TMEM26: variants seen among roughly 807,000 people sequenced by gnomAD.
The protein encoded by TMEM26 is transmembrane protein 26.
Under a neutral mutation model 28.8 loss-of-function variants are expected in TMEM26, and 38 were observed. The ratio of observed to expected loss-of-function variants is 1.32; its 90% CI spans 1.02 to 1.73. TMEM26 has a LOEUF of 1.73. Among genes scored for constraint, TMEM26 ranks in the 40% most tolerant of loss-of-function variants. The pLI, the probability that TMEM26 is intolerant of heterozygous loss-of-function variation, is 0.00. For synonymous variants in TMEM26, 227 were observed against 182.9 expected, an observed-to-expected ratio of 1.24 and a Z score of -1.95; for missense variants, 518 against 447.1, an observed-to-expected ratio of 1.16 and a Z score of -1.43.
In TMEM26 at chr10:61,453,054, G is replaced by C; in HGVS notation, c.28C>G (p.Leu10Val). Residue 10 changes from leucine (L) to valine (V), a missense_variant, in exon 1 of 6, where the codon CTG becomes GTG. Physicochemically the swap from Leu to Val is conservative, Grantham distance 32 (BLOSUM62 1). Coordinates refer to ENST00000399298, the MANE Select transcript of TMEM26 (RefSeq NM_178505.8). The stretch of plus-strand genomic sequence containing the variant: ...AGCAGGAACAGCAACCGAGTGGCCA[G>C]GGCGTTAAGGAAGACCAGTCCCTCC... The part of the protein sequence containing the change: MEGLVFLNA[L>V]ATRLLFLLHS... 1 of 1,613,576 alleles carries C rather than the reference G, an allele frequency of 6.2e-7. No individual in the cohort carries two copies. Among genetic ancestry groups the C allele is most frequent in the African/African-American group, 1.3e-5 (1 of 75,044 alleles).
At chr10:61,435,508 G>A (rs1446712885) in intron 2 of TMEM26, among the ~76,000 whole-genome samples, 2 of 152,106 alleles carry the variant, frequency 1.3e-5, no homozygotes, top group African/African-American at 4.8e-5. Context: ...CTATGACAAT[G>A]TGATCTTCTA....
At chr10:61,413,952 A>G in intron 4 of TMEM26, 1 of 987,306 alleles carries the variant, frequency 1.0e-6, no homozygotes, top group Non-Finnish European at 1.2e-6. Context: ...AGACATTTCA[A>G]AAGAGCTAAA....
At chr10:61,420,180 A>G (rs530022532) in intron 4 of TMEM26, among the ~76,000 whole-genome samples, 1 of 152,294 alleles carries the variant, frequency 6.6e-6, no homozygotes, top group African/African-American at 2.4e-5. Context: ...TAAGCTAGAG[A>G]AAAGAAAATG....
chr10:61,444,071 A>G (rs1840139136), intron 1 of TMEM26, among the ~76,000 whole-genome samples: 1 of 152,084 alleles, frequency 6.6e-6, no homozygotes, highest in South Asian at 2.1e-4. Context: ...AACCACTACT[A>G]CCTCAGAAAT....
chr10:61,414,586 G>T (rs1472494728), intron 4 of TMEM26: 1 of 151,966 alleles, frequency 6.6e-6, no homozygotes, highest in Non-Finnish European at 1.5e-5. Context: ...GTGGAGACAA[G>T]GTTGGTGATA....
intron 4 of TMEM26, among the ~76,000 whole-genome samples, chr10:61,415,504 T>C (rs1839637114): frequency 1.3e-5 from 2 of 152,074 alleles, no homozygotes; most frequent in African/African-American, 4.8e-5. Context: ...CTTAACTCTA[T>C]GATCACACTT....
chr10:61,431,484 C>A, intron 2 of TMEM26, 152 bp from the exon 3 acceptor site: 1 of 528,786 alleles, frequency 1.9e-6, no homozygotes, highest in Non-Finnish European at 3.3e-6. Context: ...GGAATATAGG[C>A]CTGAGATTGA....
chr10:61,431,383 G>T (rs747039036), intron 2 of TMEM26, 51 bp from the exon 3 acceptor site: 5 of 1,298,158 alleles, frequency 3.9e-6, no homozygotes, highest in Non-Finnish European at 5.6e-6. Context: ...AGCACAATAT[G>T]GTAGAGATCA....
At chr10:61,415,251 T>G in intron 4 of TMEM26, 8 of 632,338 alleles carry the variant, frequency 1.3e-5, no homozygotes, top group Non-Finnish European at 1.6e-5. Context: ...TATCTAATTA[T>G]GAGTCCACAG....
rs1194016935 is a variant in TMEM26, at chr10:61,409,427, C to T, written c.*895G>A. 1 of 152,212 alleles carries T rather than the reference C, an allele frequency of 6.6e-6. No individual in the cohort carries two copies. The highest frequency in any genetic ancestry group is 1.9e-4 in the East Asian group (1 of 5,190). 9.4% of individuals were successfully genotyped at this position (152,212 alleles called of 1,614,324 possible). A position where few individuals can be genotyped will look rare whatever the true frequency, so the allele number is the denominator to read the frequency against. On this transcript the variant is annotated 3_prime_UTR_variant, in exon 6 of 6. Coordinates refer to ENST00000399298, the MANE Select transcript of TMEM26 (RefSeq NM_178505.8). ...TTTGTTCACTACTGCTGGCAGACACCAGAAACCATGGAAACACTTACAGGG... is the reference window on the plus strand; with the variant it reads ...TTTGTTCACTACTGCTGGCAGACACTAGAAACCATGGAAACACTTACAGGG...
intron 2 of TMEM26, among the ~76,000 whole-genome samples, chr10:61,434,330 A>C (rs1391570405): frequency 6.6e-6 from 1 of 152,162 alleles, no homozygotes; most frequent in Non-Finnish European, 1.5e-5. Context: ...TTTTTTATTA[A>C]AAAGGGAACT....
chr10:61,416,447 T>C (rs1010127318), intron 4 of TMEM26, among the ~76,000 whole-genome samples: 17 of 152,014 alleles, frequency 1.1e-4, no homozygotes, highest in Admixed American at 9.9e-4. Flanking sequence ...CCATTTACAT[T>C]ATGAGGAAGA....
In TMEM26 at chr10:61,453,099, G is replaced by A. The variant is rs1162803023; in HGVS notation, c.-18C>T. ...CCCTCCATGCTGGCCGGAGCACTCT[G>A]CCTACGTCCCCTTGCCTGCGCCCCC... On this transcript the variant is annotated 5_prime_UTR_variant, in exon 1 of 6. Coordinates refer to ENST00000399298, the MANE Select transcript of TMEM26 (RefSeq NM_178505.8). 2 of 1,605,720 alleles carry A rather than the reference G, an allele frequency of 1.2e-6. No individual in the cohort carries two copies. Among genetic ancestry groups the A allele is most frequent in the South Asian group, 1.1e-5 (1 of 90,882 alleles).
intron 3 of TMEM26, among the ~76,000 whole-genome samples, chr10:61,430,096 G>A (rs186454931): frequency 4.0e-4 from 61 of 151,988 alleles, no homozygotes; most frequent in South Asian, 1.5e-3. Flanking sequence ...GAAACTTTGC[G>A]TACATCATAT....
intron 4 of TMEM26, chr10:61,415,987 G>C: frequency 2.5e-6 from 1 of 396,624 alleles, no homozygotes; most frequent in Non-Finnish European, 5.0e-6. Context: ...AGGCTCAAAG[G>C]ATTTCAGTTG....
chr10:61,451,203 T>A (rs916952037), intron 1 of TMEM26, among the ~76,000 whole-genome samples: 1 of 152,180 alleles, frequency 6.6e-6, no homozygotes, highest in Non-Finnish European at 1.5e-5. Flanking sequence ...CGGTTGTAAG[T>A]CACATGTCAG....
Position 61,448,623 on chromosome 10 carries a change from T to G in TMEM26, c.191+4268A>C, listed in dbSNP as rs557938535. Among the ~76,000 whole-genome samples, 12 of 151,480 alleles carry G rather than the reference T, an allele frequency of 7.9e-5. 1 individual carries two copies. Among genetic ancestry groups the G allele is most frequent in the African/African-American group, 2.2e-4 (9 of 41,440 alleles). Reference sequence around the variant, plus strand: ...GTGTTTGTTTTCTGTTTTTTTGTTTTTTTTTTTTTTTGGTCTGGTCACACA... The same window carrying G: ...GTGTTTGTTTTCTGTTTTTTTGTTTGTTTTTTTTTTTGGTCTGGTCACACA... On this transcript the variant is annotated intron_variant, in intron 1 of 5. Transcript: ENST00000399298.
Position 61,410,118 on chromosome 10 carries a change from C to G in TMEM26, c.*204G>C, listed in dbSNP as rs146269351. 34 of 593,562 alleles carry G rather than the reference C, an allele frequency of 5.7e-5. No individual in the cohort carries two copies. The highest frequency in any genetic ancestry group is 9.2e-5 in the Non-Finnish European group (31 of 337,382). 36.8% of individuals were successfully genotyped at this position (593,562 alleles called of 1,614,324 possible). ...ACAACTATAACATCTGATACCATCA[C>G]ACAGAAGTTGTAGCAATAGTCACTA... On this transcript the variant is annotated 3_prime_UTR_variant, in exon 6 of 6. Coordinates refer to ENST00000399298, the MANE Select transcript of TMEM26 (RefSeq NM_178505.8).
Position 61,428,997 on chromosome 10 carries a change from A to T in TMEM26, c.534T>A (p.Leu178=). ...GITRDQLSQL[L]LMFVGTAADI... is the part of the protein sequence containing the mutation. ...CAGCCGCTGTCCCCACAAACATAAG[A>T]AGAAGTTGAGAGAGTTGATCTCGAG... The change falls in exon 4 of 6, where the codon CTT becomes CTA. Residue 178 remains leucine, a synonymous_variant. Transcript: ENST00000399298. The T allele has an allele frequency of 6.2e-7, 1 of 1,613,322 alleles. No individual in the cohort carries two copies. The highest frequency in any genetic ancestry group is 2.2e-5 in the East Asian group (1 of 44,842).
Sources: gnomAD v4.1 joint callset for allele counts (sites outside exome capture counted in the v4.1 genomes callset) on GRCh38, gnomAD v4.1.1 for gene constraint, MANE v1.5 for transcripts, NCBI Gene and HGNC (gene_info 2026-07-23, HGNC 2026-07-21) for gene names.